Variants in RSPO2 observed in about 807,000 individuals in gnomAD.
RSPO2 encodes R-spondin 2, also known as R-spondin-2.
Under a neutral mutation model 30.9 loss-of-function variants are expected in RSPO2, and 14 were observed. That is an observed-to-expected ratio of 0.45 (90% CI 0.30 to 0.71). The LOEUF (loss-of-function observed/expected upper bound fraction) is 0.71, where lower values mean the gene tolerates loss of function less well. RSPO2 is among the 30% of genes least tolerant of loss of function. RSPO2 has a pLI of 0.08. For missense variants in RSPO2, 264 were observed against 301.9 expected (o/e 0.87, Z 0.93); for synonymous variants, 107 against 96.4 (o/e 1.11, Z -0.64).
At chr8:108,022,480 A>G (rs973204364) in intron 2 of RSPO2, among the ~76,000 whole-genome samples, 2 of 152,226 alleles carry the variant, frequency 1.3e-5, no homozygotes, top group African/African-American at 4.8e-5. Context: ...GTATAAACAC[A>G]AGAAAATACC....
chr8:108,019,877 A>G (rs1811005535), intron 2 of RSPO2, among the ~76,000 whole-genome samples: 1 of 152,154 alleles, frequency 6.6e-6, no homozygotes, highest in African/African-American at 2.4e-5. Context: ...TAGCAGTAGT[A>G]AGACTAACAG....
At chr8:107,999,800 A>C (rs1815167146) in intron 2 of RSPO2, among the ~76,000 whole-genome samples, 1 of 126,908 alleles carries the variant, frequency 7.9e-6, no homozygotes, top group South Asian at 2.8e-4. Context: ...TAACACATGA[A>C]GTGCTAATAT....
chr8:108,054,983 T>C (rs967136820), intron 2 of RSPO2, among the ~76,000 whole-genome samples: 2 of 151,964 alleles, frequency 1.3e-5, no homozygotes, highest in Admixed American at 1.3e-4. Flanking sequence ...TAGCCGGGTG[T>C]GGTGGTGCGT....
intron 3 of RSPO2, among the ~76,000 whole-genome samples, chr8:107,969,382 A>G (rs976399079): frequency 6.6e-6 from 1 of 152,180 alleles, no homozygotes; most frequent in African/African-American, 2.4e-5. Context: ...GAAGTGTCAC[A>G]ACAGTTCACT....
At chr8:107,975,812 C>T (rs781122731) in intron 3 of RSPO2, among the ~76,000 whole-genome samples, 17 of 152,182 alleles carry the variant, frequency 1.1e-4, no homozygotes, top group East Asian at 3.8e-4. Flanking sequence ...TTATCCCAGT[C>T]ATAGGTACAT....
chr8:107,963,092 A>T (rs942862088), intron 3 of RSPO2, among the ~76,000 whole-genome samples: 1 of 152,172 alleles, frequency 6.6e-6, no homozygotes, highest in Admixed American at 6.5e-5. Context: ...GGTATAAATC[A>T]TGTTGGATGA....
At chr8:108,008,798 A>AAAAT (rs1336285686) in intron 2 of RSPO2, among the ~76,000 whole-genome samples, 28 of 133,560 alleles carry the variant, frequency 2.1e-4, no homozygotes, top group Non-Finnish European at 4.0e-4. Context: ...AAAAAAAAAA[A>AAAAT]AATAAAGAAA....
At chr8:108,013,326 T>G (rs1408353076) in intron 2 of RSPO2, among the ~76,000 whole-genome samples, 2 of 152,218 alleles carry the variant, frequency 1.3e-5, no homozygotes, top group East Asian at 3.8e-4. Flanking sequence ...CATCAGCCTG[T>G]TTCTGTTTCT....
intron 3 of RSPO2, among the ~76,000 whole-genome samples, chr8:107,964,679 G>A (rs1813739649): frequency 6.6e-6 from 1 of 152,086 alleles, no homozygotes; most frequent in African/African-American, 2.4e-5. Context: ...ATTTCTCCAG[G>A]AGGTAACTCT....
intron 5 of RSPO2, among the ~76,000 whole-genome samples, chr8:107,911,802 T>C (rs534590219): frequency 2.6e-5 from 4 of 152,294 alleles, no homozygotes; most frequent in Admixed American, 2.0e-4. Context: ...CTTTTTCCAC[T>C]ATAGTCTTCG....
chr8:108,067,944 C>CT (rs1346807394), intron 2 of RSPO2, among the ~76,000 whole-genome samples: 1 of 152,122 alleles, frequency 6.6e-6, no homozygotes, highest in African/African-American at 2.4e-5. Context: ...TGGCACATAC[C>CT]TGTAGTCCCA....
chr8:107,914,597 A>G (rs1811922652), intron 5 of RSPO2, among the ~76,000 whole-genome samples: 1 of 152,272 alleles, frequency 6.6e-6, no homozygotes, highest in African/African-American at 2.4e-5. Flanking sequence ...TTTATGTATT[A>G]GAAAAGCTAG....
At chr8:108,074,375 CACAT>C (rs1269434748) in intron 2 of RSPO2, among the ~76,000 whole-genome samples, 1 of 152,170 alleles carries the variant, frequency 6.6e-6, no homozygotes, top group Non-Finnish European at 1.5e-5. Context: ...ACACAAAATA[CACAT>C]AGACACCCAT....
intron 2 of RSPO2, among the ~76,000 whole-genome samples, chr8:108,015,736 G>T (rs1810871206): frequency 1.3e-5 from 2 of 151,774 alleles, no homozygotes; most frequent in Non-Finnish European, 2.9e-5. Flanking sequence ...CCCACTCCTT[G>T]TGTATAAATC....
In RSPO2 at chr8:108,004,667, A is replaced by G. The variant is rs79202940; in HGVS notation, c.95-15423T>C. Among the ~76,000 whole-genome samples, 612 of 152,322 alleles carry G rather than the reference A, an allele frequency of 4.0e-3. 2 individuals are homozygous for G. The highest frequency in any genetic ancestry group is 6.5e-3 in the Non-Finnish European group (442 of 68,022). On this transcript the variant is annotated intron_variant, in intron 2 of 5. Coordinates refer to ENST00000276659, the MANE Select transcript of RSPO2 (RefSeq NM_178565.5). ...ATCATTCTCAAAAAGTGGCAAAACTATATGTGTATGTATATGTAGCCAGAT... is the reference window on the plus strand; with the variant it reads ...ATCATTCTCAAAAAGTGGCAAAACTGTATGTGTATGTATATGTAGCCAGAT...
At chr8:107,962,577 C>CA (rs1158686194) in intron 3 of RSPO2, among the ~76,000 whole-genome samples, 1 of 152,136 alleles carries the variant, frequency 6.6e-6, no homozygotes, top group African/African-American at 2.4e-5. Flanking sequence ...TGTAGTCTTA[C>CA]ATGCTGTAAC....
chr8:107,939,041 G>GA, intron 5 of RSPO2, among the ~76,000 whole-genome samples: 1 of 152,134 alleles, frequency 6.6e-6, no homozygotes, highest in Non-Finnish European at 1.5e-5. Flanking sequence ...CAGGTGTCAG[G>GA]AGAGCCTGAA....
intron 5 of RSPO2, among the ~76,000 whole-genome samples, chr8:107,920,406 T>C (rs1400696662): frequency 6.6e-6 from 1 of 152,064 alleles, no homozygotes; most frequent in East Asian, 1.9e-4. Context: ...AAGGTTTCTA[T>C]AATGCCAACT....
chr8:107,901,067 C>A lies in RSPO2; in HGVS notation c.*8G>T, dbSNP rs770642308. ...AAAAACCCCTAAAAATCTACCGGATCTCTTGTTTTATTGGTTAGCTCTGTC... is the reference window on the plus strand; with the variant it reads ...AAAAACCCCTAAAAATCTACCGGATATCTTGTTTTATTGGTTAGCTCTGTC... On this transcript the variant is annotated 3_prime_UTR_variant, in exon 6 of 6. Transcript: ENST00000276659. 1 of 1,610,236 alleles carries A rather than the reference C, an allele frequency of 6.2e-7. No individual in the cohort carries two copies. Among genetic ancestry groups the A allele is most frequent in the South Asian group, 1.1e-5 (1 of 90,094 alleles).
Sources: allele counts gnomAD v4.1 joint callset (sites outside exome capture counted in the v4.1 genomes callset), GRCh38; gene constraint gnomAD v4.1.1; transcripts MANE v1.5; gene names NCBI Gene and HGNC (gene_info 2026-07-23, HGNC 2026-07-21).